MAMLD1: variants seen among roughly 807,000 people sequenced by gnomAD.
The protein encoded by MAMLD1 is mastermind-like domain-containing protein 1.
Under a neutral mutation model 45.0 loss-of-function variants are expected in MAMLD1, and 14 were observed. That is an observed-to-expected ratio of 0.31 (90% CI 0.21 to 0.49). The LOEUF is 0.49. Among genes scored for constraint, MAMLD1 ranks in the 20% least tolerant of loss-of-function variants. The probability of loss-of-function intolerance (pLI) is 0.99; values close to 1 mark genes in which losing one functional copy is unlikely to be tolerated. For missense variants in MAMLD1, 543 were observed against 603.6 expected, an observed-to-expected ratio of 0.90 and a Z score of 1.05; for synonymous variants, 254 against 247.8, an observed-to-expected ratio of 1.02 and a Z score of -0.24.
intron 1 of MAMLD1, among the ~76,000 whole-genome samples, chrX:150,377,926 T>C (rs1164309739): frequency 9.0e-6 from 1 of 110,977 alleles, no homozygotes; most frequent in South Asian, 3.8e-4. Flanking sequence ...TACTGCATTA[T>C]ATATTTCCTA....
intron 5 of MAMLD1, among the ~76,000 whole-genome samples, chrX:150,487,600 A>C (rs1413067508): frequency 9.0e-6 from 1 of 111,536 alleles, no homozygotes; most frequent in Non-Finnish European, 1.9e-5. Context: ...GCACTGGGTG[A>C]AGCTGTGACA....
intron 1 of MAMLD1, among the ~76,000 whole-genome samples, chrX:150,371,817 T>C (rs781881732): frequency 8.9e-6 from 1 of 111,910 alleles, no homozygotes; most frequent in South Asian, 3.8e-4. Context: ...ATTGCACCTG[T>C]ACATAGTTAG....
intron 1 of MAMLD1, among the ~76,000 whole-genome samples, chrX:150,432,105 T>G (rs782584985): frequency 1.7e-4 from 19 of 111,183 alleles, no homozygotes; most frequent in African/African-American, 5.9e-4. Context: ...TATGTTTTAG[T>G]AATAGCCATT....
chrX:150,452,406 G>T (rs11797669), intron 2 of MAMLD1, among the ~76,000 whole-genome samples: 57,452 of 109,266 alleles, frequency 0.53, 12,090 homozygotes, highest in Middle Eastern at 0.74. Flanking sequence ...CAGCCTCAAG[G>T]TTGGCCATAG....
At chrX:150,473,056 A>G (rs1415773481) in intron 4 of MAMLD1, among the ~76,000 whole-genome samples, 2 of 112,734 alleles carry the variant, frequency 1.8e-5, no homozygotes, top group Admixed American at 1.9e-4. Flanking sequence ...CCAGAGGCCC[A>G]TAAGCTGGCC....
chrX:150,442,535 T>A (rs921060246), intron 1 of MAMLD1, among the ~76,000 whole-genome samples: 4 of 111,350 alleles, frequency 3.6e-5, no homozygotes, highest in African/African-American at 1.3e-4. Flanking sequence ...ATTTTGCCAG[T>A]TTCAGTGAAG....
intron 1 of MAMLD1, among the ~76,000 whole-genome samples, chrX:150,369,901 C>T (rs782315593): frequency 9.2e-6 from 1 of 108,922 alleles, no homozygotes; most frequent in African/African-American, 3.4e-5. Flanking sequence ...ATGTAAGAAC[C>T]TGCTGCTGTC....
intron 1 of MAMLD1, among the ~76,000 whole-genome samples, chrX:150,395,042 T>A (rs1557402248): frequency 1.8e-5 from 2 of 112,191 alleles, no homozygotes. Flanking sequence ...TCTAGTCTCT[T>A]ACCATTAAGT....
intron 5 of MAMLD1, among the ~76,000 whole-genome samples, chrX:150,476,937 A>C (rs1284244818): frequency 1.8e-5 from 2 of 113,065 alleles, no homozygotes; most frequent in African/African-American, 6.4e-5. Flanking sequence ...GCCTTGGGGA[A>C]GCCCCCACTA....
intron 1 of MAMLD1, among the ~76,000 whole-genome samples, chrX:150,388,780 T>C (rs782783501): frequency 8.9e-6 from 1 of 112,201 alleles, no homozygotes; most frequent in South Asian, 3.7e-4. Context: ...TTTTGCTTCA[T>C]TGATTTTCTC....
intron 5 of MAMLD1, among the ~76,000 whole-genome samples, chrX:150,484,415 C>G (rs781981366): frequency 3.6e-4 from 40 of 112,500 alleles, no homozygotes; most frequent in African/African-American, 1.3e-3. Flanking sequence ...AGAAAGGTCT[C>G]CTGACTCCCT....
intron 2 of MAMLD1, among the ~76,000 whole-genome samples, chrX:150,451,863 C>T (rs932915577): frequency 9.0e-5 from 10 of 111,240 alleles, no homozygotes; most frequent in Non-Finnish European, 1.9e-4. Context: ...GTCATTGCCT[C>T]CCTCTCTCTT....
intron 5 of MAMLD1, among the ~76,000 whole-genome samples, chrX:150,494,822 T>C (rs1447363579): frequency 4.5e-5 from 5 of 111,133 alleles, no homozygotes; most frequent in Admixed American, 9.5e-5. Context: ...AGGTGGAGGT[T>C]TCAGTGAGCC....
At chrX:150,508,012 C>T (rs1158848654) in intron 6 of MAMLD1, among the ~76,000 whole-genome samples, 1 of 112,449 alleles carries the variant, frequency 8.9e-6, no homozygotes, top group Non-Finnish European at 1.9e-5. Flanking sequence ...GCGGAAGCAC[C>T]TGGTCTGCAG....
intron 3 of MAMLD1, among the ~76,000 whole-genome samples, chrX:150,466,940 G>T (rs1350256051): frequency 8.9e-6 from 1 of 111,913 alleles, no homozygotes; most frequent in Non-Finnish European, 1.9e-5. Flanking sequence ...GGCTCACGTG[G>T]CAGGGATGCC....
At chrX:150,471,562 C>A in intron 4 of MAMLD1, 72 bp downstream of exon 4, 1 of 1,204,046 alleles carries the variant, frequency 8.3e-7, no homozygotes, top group Non-Finnish European at 1.1e-6. Flanking sequence ...TTGCCAATAT[C>A]TGGCTCTGGA....
chrX:150,504,024 G>A, intron 6 of MAMLD1: 4 of 753,788 alleles, frequency 5.3e-6, no homozygotes, highest in Non-Finnish European at 6.3e-6. Flanking sequence ...CCCCGCCCAG[G>A]ACTCCCACAC....
At position 150,513,181 on chromosome X, in the gene MAMLD1, C is replaced by A; in HGVS notation, c.*1222C>A. ...GTTACAATTTGAGTGGTGTTGTCAGCCCATGCTTATCCCTCTCTCTACCTG... is the reference window on the plus strand; with the variant it reads ...GTTACAATTTGAGTGGTGTTGTCAGACCATGCTTATCCCTCTCTCTACCTG... On this transcript the variant is annotated 3_prime_UTR_variant, in exon 8 of 8. Transcript: ENST00000370401. The A allele has an allele frequency of 1.5e-6, 1 of 663,142 alleles. No homozygotes were observed. Among genetic ancestry groups the A allele is most frequent in the Non-Finnish European group, 2.2e-6 (1 of 453,994 alleles). The allele number at this position is 663,142 out of a possible 1,213,427, so 54.7% of individuals were successfully genotyped here.
chrX:150,411,793 C>A (rs2034129802), intron 1 of MAMLD1, among the ~76,000 whole-genome samples: 1 of 111,441 alleles, frequency 9.0e-6, no homozygotes, highest in Non-Finnish European at 1.9e-5. Flanking sequence ...TCCCAGCAAG[C>A]CACCTGTCAG....
Sources: gnomAD v4.1 joint callset for allele counts (sites outside exome capture counted in the v4.1 genomes callset) on GRCh38, gnomAD v4.1.1 for gene constraint, MANE v1.5 for transcripts, NCBI Gene and HGNC (gene_info 2026-07-23, HGNC 2026-07-21) for gene names.